The following FHIT variants were observed in gnomAD, a reference collection of about 807,000 sequenced individuals.
FHIT encodes the protein fragile histidine triad diadenosine triphosphatase.
In FHIT, 19 loss-of-function variants were observed where a neutral mutation model predicts 17.9. The ratio of observed to expected loss-of-function variants is 1.06; its 90% CI spans 0.74 to 1.56. The LOEUF (loss-of-function observed/expected upper bound fraction) is 1.56. Among genes scored for constraint, FHIT ranks in the 40% most tolerant of loss-of-function variants. The probability of loss-of-function intolerance (pLI) is 0.00; values close to 1 mark genes in which losing one functional copy is unlikely to be tolerated. For synonymous variants in FHIT, 81 were observed against 69.7 expected (o/e 1.16, Z -0.81); for missense variants, 248 against 189.2 (o/e 1.31, Z -1.82).
intron 3 of FHIT, among the ~76,000 whole-genome samples, chr3:61,028,720 C>T (rs576896856): frequency 6.6e-6 from 1 of 152,226 alleles, no homozygotes; most frequent in South Asian, 2.1e-4. Flanking sequence ...GAAACACTTA[C>T]CCCAGTGCCC....
At chr3:60,720,556 C>G (rs1163352460) in intron 4 of FHIT, among the ~76,000 whole-genome samples, 1 of 152,140 alleles carries the variant, frequency 6.6e-6, no homozygotes, top group Non-Finnish European at 1.5e-5. Context: ...CCAAGCAGTA[C>G]TTAACAGGGG....
At position 60,384,160 on chromosome 3, in the gene FHIT, T is replaced by C. The variant is rs888975870; in HGVS notation, c.103+152700A>G. ...CTGCGTGCCTATAATCCCAGCTACT[T>C]GGGAGGCTGAGGCAGGGGAATCACT... On this transcript the variant is annotated intron_variant, in intron 5 of 9. Transcript: ENST00000492590. Among the ~76,000 whole-genome samples the C allele has an allele frequency of 6.6e-5, 10 of 151,514 alleles. No homozygotes were observed. In the East Asian group the frequency reaches 1.8e-3, roughly 27 times the overall value.
chr3:60,659,241 G>C (rs2107820677), intron 4 of FHIT, among the ~76,000 whole-genome samples: 1 of 152,022 alleles, frequency 6.6e-6, no homozygotes, highest in Non-Finnish European at 1.5e-5. Flanking sequence ...ACTGTGTCTT[G>C]TGTCTTGGGG....
At chr3:60,895,992 A>C (rs11130792) in intron 3 of FHIT, among the ~76,000 whole-genome samples, 1 of 151,626 alleles carries the variant, frequency 6.6e-6, no homozygotes, top group Non-Finnish European at 1.5e-5. Flanking sequence ...CTGGCTGCAC[A>C]CTAGGAGGTG....
At chr3:60,777,383 A>G (rs1251468638) in intron 4 of FHIT, among the ~76,000 whole-genome samples, 1 of 152,204 alleles carries the variant, frequency 6.6e-6, no homozygotes, top group Non-Finnish European at 1.5e-5. Context: ...AAATTTAAAC[A>G]TTTTTCTGGA....
intron 5 of FHIT, among the ~76,000 whole-genome samples, chr3:60,164,899 G>C (rs1353971735): frequency 6.6e-6 from 1 of 152,072 alleles, no homozygotes; most frequent in Non-Finnish European, 1.5e-5. Flanking sequence ...TGTCCTGTTG[G>C]CATACCAAAC....
chr3:59,776,433 G>A (rs1265401858), intron 8 of FHIT, among the ~76,000 whole-genome samples: 2 of 152,208 alleles, frequency 1.3e-5, no homozygotes, highest in Non-Finnish European at 2.9e-5. Flanking sequence ...TCACAGAGAT[G>A]TGACATAAAT....
intron 5 of FHIT, among the ~76,000 whole-genome samples, chr3:60,267,856 A>G (rs1344960551): frequency 2.0e-5 from 3 of 152,192 alleles, no homozygotes; most frequent in Non-Finnish European, 2.9e-5. Flanking sequence ...TTCAGCCTAA[A>G]TCTTGTAAAA....
intron 4 of FHIT, among the ~76,000 whole-genome samples, chr3:60,762,104 G>T (rs1349926875): frequency 2.6e-5 from 4 of 152,162 alleles, no homozygotes; most frequent in South Asian, 2.1e-4. Flanking sequence ...TGAGCAATTT[G>T]GTGGGATGTA....
intron 5 of FHIT, among the ~76,000 whole-genome samples, chr3:60,086,710 G>A (rs1703508836): frequency 6.6e-6 from 1 of 152,200 alleles, no homozygotes; most frequent in African/African-American, 2.4e-5. Flanking sequence ...TTGCCTCCAT[G>A]CCCTACATCC....
intron 3 of FHIT, among the ~76,000 whole-genome samples, chr3:60,867,363 A>G (rs1704212454): frequency 6.6e-6 from 1 of 152,196 alleles, no homozygotes; most frequent in Non-Finnish European, 1.5e-5. Context: ...ATATTCACAT[A>G]CATGCTTAAG....
chr3:60,402,169 T>C (rs996307407), intron 5 of FHIT, among the ~76,000 whole-genome samples: 3 of 152,212 alleles, frequency 2.0e-5, no homozygotes, highest in East Asian at 1.9e-4. Context: ...GAAAATCTCA[T>C]AGACACTCAC....
At chr3:60,381,443 A>T (rs1576571558) in intron 5 of FHIT, among the ~76,000 whole-genome samples, 1 of 151,780 alleles carries the variant, frequency 6.6e-6, no homozygotes, top group South Asian at 2.1e-4. Flanking sequence ...GTGCCATTGC[A>T]CTCCAGCCTG....
At chr3:61,145,293 T>A (rs1457726484) in intron 2 of FHIT, among the ~76,000 whole-genome samples, 1 of 152,124 alleles carries the variant, frequency 6.6e-6, no homozygotes, top group African/African-American at 2.4e-5. Context: ...TTGAAAAGAC[T>A]AATATTTCTC....
At chr3:61,023,376 C>T (rs1012740533) in intron 3 of FHIT, among the ~76,000 whole-genome samples, 1 of 152,136 alleles carries the variant, frequency 6.6e-6, no homozygotes, top group Admixed American at 6.5e-5. Context: ...ATTCCATGCT[C>T]ATGGATAGGA....
At chr3:60,054,551 G>C (rs138604601) in intron 5 of FHIT, among the ~76,000 whole-genome samples, 475 of 152,248 alleles carry the variant, frequency 3.1e-3, no homozygotes, top group African/African-American at 0.011. Flanking sequence ...TCATAATGAT[G>C]GAGCTAGGAA....
intron 5 of FHIT, among the ~76,000 whole-genome samples, chr3:60,075,890 T>G (rs1299618930): frequency 1.3e-5 from 2 of 152,134 alleles, no homozygotes; most frequent in African/African-American, 4.8e-5. Flanking sequence ...CCCTTTTTGA[T>G]CTTAAGATGG....
At chr3:60,210,220 T>G (rs1437865097) in intron 5 of FHIT, among the ~76,000 whole-genome samples, 1 of 152,186 alleles carries the variant, frequency 6.6e-6, no homozygotes, top group Non-Finnish European at 1.5e-5. Context: ...GGAGTTTTGA[T>G]ATGAACTGTT....
At chr3:60,422,433 T>C (rs189487061) in intron 5 of FHIT, among the ~76,000 whole-genome samples, 2 of 152,266 alleles carry the variant, frequency 1.3e-5, no homozygotes, top group African/African-American at 4.8e-5. Flanking sequence ...TCATGACTAG[T>C]CTAAGGTTTT....
Sources: allele counts gnomAD v4.1 joint callset (sites outside exome capture counted in the v4.1 genomes callset), GRCh38; gene constraint gnomAD v4.1.1; transcripts MANE v1.5; gene names NCBI Gene and HGNC (gene_info 2026-07-23, HGNC 2026-07-21).